Variants in EPHA6 observed in about 807,000 individuals in gnomAD.
EPHA6 encodes the protein ephrin type-A receptor 6.
Under a neutral mutation model 112.0 loss-of-function variants are expected in EPHA6, and 50 were observed. The observed-to-expected ratio is 0.45, with a 90% confidence interval of 0.36 to 0.56. EPHA6 has a LOEUF of 0.56. Among genes scored for constraint, EPHA6 ranks in the 20% least tolerant of loss-of-function variants. The probability of loss-of-function intolerance (pLI) is 0.00; values close to 1 mark genes in which losing one functional copy is unlikely to be tolerated. For synonymous variants in EPHA6, 529 were observed against 490.7 expected (o/e 1.08, Z -1.03); for missense variants, 1,280 against 1,417.4 (o/e 0.90, Z 1.56).
At chr3:97,215,380 C>T (rs1294085005) in intron 3 of EPHA6, among the ~76,000 whole-genome samples, 1 of 152,130 alleles carries the variant, frequency 6.6e-6, no homozygotes, top group African/African-American at 2.4e-5. Flanking sequence ...TCAATCAATA[C>T]TTCAATATTC....
At chr3:97,504,203 C>G (rs978646215) in intron 10 of EPHA6, among the ~76,000 whole-genome samples, 2 of 152,170 alleles carry the variant, frequency 1.3e-5, no homozygotes, top group Non-Finnish European at 2.9e-5. Flanking sequence ...CACAATGTAG[C>G]AGTCTCTCAT....
rs183934267 is a variant in EPHA6 at position 97,506,792 on chromosome 3, C to G, written c.2200+22733C>G. 7.3e-3 allele frequency among the ~76,000 whole-genome samples: 1,112 copies of G among 152,284 alleles called. 3 individuals carry two copies. The highest frequency in any genetic ancestry group is 0.012 in the Non-Finnish European group (842 of 68,020). On this transcript the variant is annotated intron_variant, in intron 10 of 17. Transcript: ENST00000389672. ...GCCATTTTCACGATATTGATTCTTCCTATTCATGAGCATGGAATGTTTTTC... is the reference window on the plus strand; with the variant it reads ...GCCATTTTCACGATATTGATTCTTCGTATTCATGAGCATGGAATGTTTTTC...
At chr3:96,967,242 T>C (rs146719526) in intron 2 of EPHA6, among the ~76,000 whole-genome samples, 2,839 of 150,054 alleles carry the variant, frequency 0.019, 33 homozygotes, top group Non-Finnish European at 0.03. Context: ...AAGAAATTAT[T>C]ATATAATTTT....
rs1012143556 is a variant in EPHA6, at chr3:97,761,382, A to G, written c.*12681A>G. Reference sequence around the variant, plus strand: ...AGCAAACTACCTGCTGAGCAACATAATAAGATTTTTGTACAAGGTACAAAT... The same window carrying G: ...AGCAAACTACCTGCTGAGCAACATAGTAAGATTTTTGTACAAGGTACAAAT... On this transcript the variant is annotated 3_prime_UTR_variant, in exon 18 of 18. Transcript: ENST00000389672. The G allele has an allele frequency of 3.8e-5, 7 of 184,442 alleles. No homozygotes were observed. The highest frequency in any genetic ancestry group is 2.0e-4 in the South Asian group (1 of 5,102). The allele number at this position is 184,442 out of a possible 1,614,324, so 11.4% of individuals were successfully genotyped here.
intron 11 of EPHA6, among the ~76,000 whole-genome samples, chr3:97,583,399 C>T (rs903769236): frequency 1.4e-4 from 21 of 151,756 alleles, no homozygotes; most frequent in African/African-American, 5.1e-4. Context: ...ATTAGCTGAG[C>T]GTGGTGGTGG....
At chr3:97,610,040 A>T (rs950045564) in intron 12 of EPHA6, among the ~76,000 whole-genome samples, 1 of 151,508 alleles carries the variant, frequency 6.6e-6, no homozygotes, top group African/African-American at 2.4e-5. Flanking sequence ...GTGTATTGGG[A>T]ACTATAACAG....
At chr3:96,850,557 AAG>A (rs912439620) in intron 1 of EPHA6, among the ~76,000 whole-genome samples, 141 of 152,286 alleles carry the variant, frequency 9.3e-4, no homozygotes, top group African/African-American at 3.2e-3. Flanking sequence ...GTGGTCACGT[AAG>A]AGAGAGTCAG....
chr3:97,402,484 T>C (rs900617783), intron 5 of EPHA6, among the ~76,000 whole-genome samples: 2 of 152,260 alleles, frequency 1.3e-5, no homozygotes, highest in East Asian at 3.9e-4. Context: ...TGCATTTGCA[T>C]GGAATGTCTT....
Position 97,625,998 on chromosome 3 carries a change from A to G in EPHA6, c.2575-11875A>G, listed in dbSNP as rs576595017. Among the ~76,000 whole-genome samples the G allele has an allele frequency of 5.2e-4, 79 of 151,872 alleles. 2 individuals carry two copies. In the South Asian group the frequency reaches 0.012, roughly 23 times the overall value. The stretch of plus-strand genomic sequence containing the variant: ...CTATTGCATTTCTATACAAAGTAGT[A>G]GAAGAGTTTTTATGGGAATTTTGAG... On this transcript the variant is annotated intron_variant, in intron 13 of 17. Coordinates refer to ENST00000389672, the MANE Select transcript of EPHA6 (RefSeq NM_001080448.3).
intron 10 of EPHA6, among the ~76,000 whole-genome samples, chr3:97,504,913 G>A (rs2092208212): frequency 1.3e-5 from 2 of 151,822 alleles, no homozygotes; most frequent in African/African-American, 2.4e-5. Flanking sequence ...AAATCTGTTT[G>A]TAAAAACTTG....
intron 2 of EPHA6, among the ~76,000 whole-genome samples, chr3:96,947,659 G>T (rs886291907): frequency 6.6e-6 from 1 of 152,146 alleles, no homozygotes; most frequent in South Asian, 2.1e-4. Flanking sequence ...TTGCTTCAAA[G>T]AGAATAAAAT....
intron 2 of EPHA6, among the ~76,000 whole-genome samples, chr3:96,927,960 G>A (rs1013617155): frequency 3.3e-5 from 5 of 152,162 alleles, no homozygotes; most frequent in Admixed American, 6.5e-5. Flanking sequence ...AAACAGTTAC[G>A]TCTTACAGGG....
At position 96,885,271 on chromosome 3, in the gene EPHA6, A is replaced by G. The variant is rs1027538155; in HGVS notation, c.450+18382A>G. 4.6e-5 allele frequency among the ~76,000 whole-genome samples: 7 copies of G among 152,084 alleles called. No individual in the cohort carries two copies. The East Asian group carries it at 5.8e-4, about 13-fold the overall frequency. ...ATTAGGGAGGGTGGCTTCTTTCTCT[A>G]TCTTGTCAAAGATAGTGTCGAAAGG... is the stretch of plus-strand genomic sequence containing the variant. On this transcript the variant is annotated intron_variant, in intron 2 of 17. Coordinates refer to ENST00000389672, the MANE Select transcript of EPHA6 (RefSeq NM_001080448.3).
At chr3:97,635,468 AAT>A (rs2093937365) in intron 13 of EPHA6, among the ~76,000 whole-genome samples, 1 of 152,284 alleles carries the variant, frequency 6.6e-6, no homozygotes, top group Admixed American at 6.5e-5. Context: ...ATTATCCAGC[AAT>A]AAAATGAATA....
Position 97,027,639 on chromosome 3 carries a change from A to G in EPHA6, c.1114+39646A>G, listed in dbSNP as rs143100862. On this transcript the variant is annotated intron_variant, in intron 3 of 17. Transcript: ENST00000389672. Reference sequence around the variant, plus strand: ...ATAGACATTAACAGGTTAATGAAGTATCTGAAAATAAGTGAATCCAGTTGC... The same window carrying G: ...ATAGACATTAACAGGTTAATGAAGTGTCTGAAAATAAGTGAATCCAGTTGC... 4.5e-4 allele frequency among the ~76,000 whole-genome samples: 68 copies of G among 152,318 alleles called. 1 individual carries two copies. The East Asian group carries it at 7.5e-3, about 17-fold the overall frequency.
intron 3 of EPHA6, among the ~76,000 whole-genome samples, chr3:97,139,919 A>G (rs912242704): frequency 1.3e-5 from 2 of 152,120 alleles, no homozygotes; most frequent in Admixed American, 6.5e-5. Flanking sequence ...ACAAAGAAAT[A>G]AGAAAAATTT....
At chr3:97,575,597 A>G (rs1206215603) in intron 11 of EPHA6, among the ~76,000 whole-genome samples, 1 of 152,224 alleles carries the variant, frequency 6.6e-6, no homozygotes, top group Admixed American at 6.5e-5. Flanking sequence ...GGGAATTGTC[A>G]TTGTTCTAAG....
intron 14 of EPHA6, among the ~76,000 whole-genome samples, chr3:97,659,510 G>C (rs1159224449): frequency 1.3e-5 from 2 of 151,894 alleles, no homozygotes; most frequent in East Asian, 1.9e-4. Flanking sequence ...CTACATATTG[G>C]TTCAGTAGCT....
chr3:97,475,508 C>CT, intron 8 of EPHA6, 48 bp downstream of exon 8: 1 of 1,296,536 alleles, frequency 7.7e-7, no homozygotes, highest in Non-Finnish European at 1.1e-6. Flanking sequence ...AATAACCACT[C>CT]TTTTTATACA....
Sources: gnomAD v4.1 joint callset for allele counts (sites outside exome capture counted in the v4.1 genomes callset) on GRCh38, gnomAD v4.1.1 for gene constraint, MANE v1.5 for transcripts, NCBI Gene and HGNC (gene_info 2026-07-23, HGNC 2026-07-21) for gene names.